ANK2: variants seen among roughly 807,000 people sequenced by gnomAD.
ANK2 encodes ankyrin 2.
Under a neutral mutation model 360.5 loss-of-function variants are expected in ANK2, and 83 were observed. The observed-to-expected ratio is 0.23, with a 90% CI of 0.19 to 0.28. ANK2 has a LOEUF of 0.28. Among genes scored for constraint, ANK2 ranks in the 10% least tolerant of loss-of-function variants. The pLI is 1.00. For missense variants in ANK2, 4,201 were observed against 4,795.7 expected, an observed-to-expected ratio of 0.88 and a Z score of 3.66; for synonymous variants, 1,740 against 1,759.5, an observed-to-expected ratio of 0.99 and a Z score of 0.28.
intron 1 of ANK2, chr4:113,174,117 T>C (rs1200675123): frequency 5.8e-6 from 2 of 342,660 alleles, no homozygotes; most frequent in Non-Finnish European, 1.1e-5. Flanking sequence ...GAGGCTAGCA[T>C]CAACACGTCT....
At position 112,911,608 on chromosome 4, in the gene ANK2, C is replaced by T. The variant is rs191391595; in HGVS notation, c.21+7094C>T. The stretch of plus-strand genomic sequence containing the variant: ...GAATAGCTGGGACTATGGGTGCGTG[C>T]CCACACCTGGCTGCCATTATCAATA... On this transcript the variant is annotated intron_variant, in intron 2 of 30. Coordinates refer to the ANK2 transcript ENST00000503271. Among the ~76,000 whole-genome samples the T allele has an allele frequency of 2.4e-3, 366 of 152,154 alleles. 1 individual carries two copies. The highest frequency in any genetic ancestry group is 8.0e-3 in the African/African-American group (334 of 41,510).
chr4:113,180,945 G>T (rs894338562), intron 2 of ANK2, among the ~76,000 whole-genome samples: 4 of 152,198 alleles, frequency 2.6e-5, no homozygotes, highest in African/African-American at 9.6e-5. Flanking sequence ...CTCTTTCGAT[G>T]CATCAGTGCT....
chr4:113,015,016 G>A (rs921649192), intron 2 of ANK2, among the ~76,000 whole-genome samples: 16 of 151,774 alleles, frequency 1.1e-4, no homozygotes, highest in African/African-American at 3.1e-4. Context: ...CCGCCACCAC[G>A]CCCGGCTAAT....
chr4:113,331,704 T>G (rs1472487902), intron 27 of ANK2, among the ~76,000 whole-genome samples: 2 of 152,192 alleles, frequency 1.3e-5, no homozygotes, highest in East Asian at 1.9e-4. Flanking sequence ...TGGAGCATTT[T>G]TTCCCCCTTT....
At chr4:112,721,559 A>G in the ANK2 span, among the ~76,000 whole-genome samples, 1 of 151,206 alleles carries the variant, frequency 6.6e-6, no homozygotes, top group Non-Finnish European at 1.5e-5. Context: ...AAAAAAAAAA[A>G]AAAAAAAAAA....
intron 4 of ANK2, among the ~76,000 whole-genome samples, chr4:113,224,711 A>G (rs1477774060): frequency 2.0e-5 from 3 of 152,086 alleles, no homozygotes; most frequent in South Asian, 2.1e-4. Context: ...TTCCATAATC[A>G]TTTTCTACTC....
chr4:113,379,160 C>T (rs764924404), intron 45 of ANK2, among the ~76,000 whole-genome samples: 4 of 152,180 alleles, frequency 2.6e-5, no homozygotes, highest in African/African-American at 9.7e-5. Context: ...AAAAATGCTA[C>T]ATGAATTAAG....
chr4:113,016,286 C>G (rs796896728), intron 2 of ANK2, among the ~76,000 whole-genome samples: 10 of 152,250 alleles, frequency 6.6e-5, no homozygotes, highest in African/African-American at 2.4e-4. Context: ...TATACCTCAT[C>G]TAATATGTGG....
chr4:113,088,803 A>G (rs2086221382), intron 1 of ANK2, among the ~76,000 whole-genome samples: 1 of 152,208 alleles, frequency 6.6e-6, no homozygotes, highest in African/African-American at 2.4e-5. Flanking sequence ...TGAGGCTCAG[A>G]GAAGTTGAAT....
At chr4:113,256,196 T>G (rs1273742351) in intron 11 of ANK2, among the ~76,000 whole-genome samples, 4 of 152,182 alleles carry the variant, frequency 2.6e-5, no homozygotes, top group African/African-American at 7.2e-5. Context: ...ATGAAACCTT[T>G]GGAGTGATAA....
intron 1 of ANK2, among the ~76,000 whole-genome samples, chr4:113,098,171 C>T (rs2092003612): frequency 6.6e-6 from 1 of 151,322 alleles, no homozygotes; most frequent in Admixed American, 6.6e-5. Flanking sequence ...AGATAAAGAA[C>T]TATATAAACC....
the ANK2 span, among the ~76,000 whole-genome samples, chr4:112,786,173 T>C: frequency 6.6e-6 from 1 of 151,652 alleles, no homozygotes; most frequent in South Asian, 2.1e-4. Flanking sequence ...CTTTTTATAA[T>C]GTTGACCAAA....
At chr4:113,108,049 C>T (rs545886787) in intron 1 of ANK2, among the ~76,000 whole-genome samples, 3 of 152,226 alleles carry the variant, frequency 2.0e-5, no homozygotes, top group South Asian at 4.1e-4. Flanking sequence ...GTTGGACATT[C>T]GTTTACCAAT....
At chr4:112,760,049 C>T in the ANK2 span, among the ~76,000 whole-genome samples, 1 of 152,262 alleles carries the variant, frequency 6.6e-6, no homozygotes, top group South Asian at 2.1e-4. Flanking sequence ...TTACCCCCTA[C>T]CCCAGGCTCC....
At chr4:113,053,072 A>G (rs557036423) in intron 1 of ANK2, among the ~76,000 whole-genome samples, 1 of 152,096 alleles carries the variant, frequency 6.6e-6, no homozygotes, top group Non-Finnish European at 1.5e-5. Flanking sequence ...TTCAGACATG[A>G]TATGGGAGTG....
intron 20 of ANK2, among the ~76,000 whole-genome samples, chr4:113,289,870 C>G (rs189596055): frequency 6.6e-6 from 1 of 152,278 alleles, no homozygotes; most frequent in African/African-American, 2.4e-5. Context: ...AATTCTCAGG[C>G]ATTAGCTCCT....
chr4:113,163,379 G>C (rs2097610559), intron 1 of ANK2, among the ~76,000 whole-genome samples: 1 of 152,096 alleles, frequency 6.6e-6, no homozygotes, highest in Admixed American at 6.6e-5. Flanking sequence ...GGAGAATGGG[G>C]TGAATGAATA....
At chr4:113,256,902 A>G (rs974470394) in intron 11 of ANK2, among the ~76,000 whole-genome samples, 1 of 152,246 alleles carries the variant, frequency 6.6e-6, no homozygotes, top group Non-Finnish European at 1.5e-5. Flanking sequence ...AGTCAAAAAC[A>G]TTAATTTTTA....
At chr4:113,010,195 T>C (rs1211720607) in intron 2 of ANK2, among the ~76,000 whole-genome samples, 2 of 152,158 alleles carry the variant, frequency 1.3e-5, no homozygotes, top group African/African-American at 4.8e-5. Context: ...TTGGTAAATA[T>C]AAGTACTCTG....
Sources: allele counts gnomAD v4.1 joint callset (sites outside exome capture counted in the v4.1 genomes callset), GRCh38; gene constraint gnomAD v4.1.1; transcripts MANE v1.5; gene names NCBI Gene and HGNC (gene_info 2026-07-23, HGNC 2026-07-21).